The following SLC27A6 variants were observed in gnomAD, a reference collection of about 807,000 sequenced individuals.
SLC27A6 encodes long-chain fatty acid transport protein 6.
A neutral mutation model predicts 63.9 loss-of-function variants in SLC27A6; 74 were observed. That is an observed-to-expected ratio of 1.16 (90% CI 0.96 to 1.40). SLC27A6 has a LOEUF of 1.40. SLC27A6 is among the 40% of genes most tolerant of loss of function. The probability of loss-of-function intolerance (pLI) is 0.00; values close to 1 mark genes in which losing one functional copy is unlikely to be tolerated. For missense variants in SLC27A6, 794 were observed against 732.9 expected (o/e 1.08, Z -0.96); for synonymous variants, 287 against 260.8 (o/e 1.10, Z -0.97).
At position 128,966,074 on chromosome 5, in the gene SLC27A6, G is replaced by A. The variant is rs1749875523; in HGVS notation, c.-64G>A. 1 of 1,510,648 alleles carries A rather than the reference G, an allele frequency of 6.6e-7. No homozygotes were observed. Among genetic ancestry groups the A allele is most frequent in the African/African-American group, 1.4e-5 (1 of 71,526 alleles). 93.6% of individuals were successfully genotyped at this position (1,510,648 alleles called of 1,614,324 possible). On this transcript the variant is annotated 5_prime_UTR_variant, in exon 1 of 10. Coordinates refer to ENST00000262462, the MANE Select transcript of SLC27A6 (RefSeq NM_001017372.3). ...ATCTGCGGTCTCCGTGGAGAGCTGT[G>A]CCTGGAAGAGAAGGACGCTGGTGGG... is the stretch of plus-strand genomic sequence containing the variant.
chr5:129,003,002 G>T (rs1034734759), intron 4 of SLC27A6, among the ~76,000 whole-genome samples: 2 of 152,074 alleles, frequency 1.3e-5, no homozygotes, highest in Non-Finnish European at 1.5e-5. Flanking sequence ...ATTTCTATGT[G>T]CACCCGAGTC....
rs531286377 is a variant in SLC27A6 at position 129,029,723 on chromosome 5, G to C, written c.1683+16G>C. Reference sequence around the variant, plus strand: ...AAGAATTCAGGTAATTTTAGTGGCGGAGTTTACTATCAAATATAAGACAGT... The same window carrying C: ...AAGAATTCAGGTAATTTTAGTGGCGCAGTTTACTATCAAATATAAGACAGT... On this transcript the variant is annotated intron_variant, in intron 9 of 9. Transcript: ENST00000262462. 1.3e-6 allele frequency: 2 copies of C among 1,589,156 alleles called. No homozygotes were observed. The highest frequency in any genetic ancestry group is 1.7e-6 in the Non-Finnish European group (2 of 1,169,746).
At chr5:128,986,998 AC>A (rs1445538551) in intron 2 of SLC27A6, among the ~76,000 whole-genome samples, 2 of 152,170 alleles carry the variant, frequency 1.3e-5, no homozygotes. Flanking sequence ...TTAAGAAGGA[AC>A]TATAGTCCTG....
rs185024185 is a variant in SLC27A6 at position 129,012,590 on chromosome 5, T to A, written c.970-3295T>A. Among the ~76,000 whole-genome samples the A allele has an allele frequency of 1.8e-3, 274 of 152,234 alleles. 1 individual carries two copies. The highest frequency in any genetic ancestry group is 3.1e-3 in the Non-Finnish European group (208 of 67,958). On this transcript the variant is annotated intron_variant, in intron 4 of 9. Coordinates refer to ENST00000262462, the MANE Select transcript of SLC27A6 (RefSeq NM_001017372.3). ...AATATCTCAGTCTATTTTAGCTCTG[T>A]CCATTTTTGCTTTATATATTTGACT...
intron 4 of SLC27A6, among the ~76,000 whole-genome samples, chr5:128,994,107 G>A (rs954496557): frequency 2.0e-5 from 3 of 151,982 alleles, no homozygotes; most frequent in Admixed American, 6.6e-5. Flanking sequence ...GGTGGAGGTT[G>A]TGTGAGCCGA....
chr5:129,005,643 C>T lies in SLC27A6; in HGVS notation c.970-10242C>T, dbSNP rs566285414. On this transcript the variant is annotated intron_variant, in intron 4 of 9. Transcript: ENST00000262462. ...TTTTTTTTTTTGCGAGACAGAGTCT[C>T]GCTCTGTCGCTCAGGCTGGAGTGCA... is the stretch of plus-strand genomic sequence containing the variant. Among the ~76,000 whole-genome samples, 111 of 118,912 alleles carry T rather than the reference C, an allele frequency of 9.3e-4. 1 individual carries two copies. Among genetic ancestry groups the T allele is most frequent in the African/African-American group, 3.2e-3 (95 of 29,296 alleles). The allele number at this position is 118,912 out of a possible 152,430, so 78.0% of individuals were successfully genotyped here. A position where few individuals can be genotyped will look rare whatever the true frequency, so the allele number is the denominator to read the frequency against.
At chr5:128,977,709 C>A (rs73784803) in intron 1 of SLC27A6, among the ~76,000 whole-genome samples, 4,248 of 152,242 alleles carry the variant, frequency 0.028, 196 homozygotes, top group African/African-American at 0.096. Flanking sequence ...ATTTACCTAT[C>A]ATGGCTGTAA....
rs200731740 is a variant in SLC27A6 at position 128,966,366 on chromosome 5, G to T, written c.229G>T (p.Gly77Ter). 1 of 1,612,436 alleles carries T rather than the reference G, an allele frequency of 6.2e-7. No homozygotes were observed. Among genetic ancestry groups the T allele is most frequent in the East Asian group, 2.2e-5 (1 of 44,770 alleles). ...TCGGAAACCTTTCATCATCTATGAG[G>T]GAGACATCTACACCTATCAGGATGT... ...QPRKPFIIYE[G>*]DIYTYQDVDK... Residue 77 changes from glycine (G) to a stop codon, truncating the protein, a stop_gained, in exon 1 of 10, where the codon GGA (glycine) becomes TGA (stop). Transcript: ENST00000262462. LOFTEE classifies it high-confidence loss of function.
intron 9 of SLC27A6, among the ~76,000 whole-genome samples, chr5:129,030,819 C>T (rs1752393300): frequency 1.3e-5 from 2 of 151,994 alleles, no homozygotes; most frequent in African/African-American, 4.8e-5. Flanking sequence ...TTCTGCTTTA[C>T]TTACACTTAT....
intron 5 of SLC27A6, among the ~76,000 whole-genome samples, chr5:129,023,028 C>T (rs1025072328): frequency 6.6e-6 from 1 of 152,040 alleles, no homozygotes; most frequent in East Asian, 1.9e-4. Flanking sequence ...TATCATCTCA[C>T]ACCAAAAGAG....
intron 5 of SLC27A6, among the ~76,000 whole-genome samples, chr5:129,017,508 CAAAGG>C (rs1357659840): frequency 2.0e-5 from 3 of 151,120 alleles, no homozygotes; most frequent in African/African-American, 7.3e-5. Flanking sequence ...AAAATAAACT[CAAAGG>C]AAATAAAAGG....
chr5:129,032,480 T>C (rs1050001675), intron 9 of SLC27A6, among the ~76,000 whole-genome samples: 1 of 152,022 alleles, frequency 6.6e-6, no homozygotes, highest in African/African-American at 2.4e-5. Flanking sequence ...ATGACATCAT[T>C]GAATGTATTA....
At chr5:128,987,454 A>C (rs971930934) in intron 2 of SLC27A6, among the ~76,000 whole-genome samples, 1 of 152,148 alleles carries the variant, frequency 6.6e-6, no homozygotes, top group Non-Finnish European at 1.5e-5. Context: ...ATTTGAAAAA[A>C]ATCCTCCTGA....
At chr5:128,974,568 T>G (rs1750311688) in intron 1 of SLC27A6, among the ~76,000 whole-genome samples, 2 of 152,228 alleles carry the variant, frequency 1.3e-5, no homozygotes, top group African/African-American at 4.8e-5. Context: ...AACATACTCT[T>G]TTTAGCACAT....
intron 4 of SLC27A6, among the ~76,000 whole-genome samples, chr5:129,006,172 C>G (rs1751525872): frequency 7.0e-6 from 1 of 143,636 alleles, no homozygotes; most frequent in East Asian, 2.3e-4. Flanking sequence ...TCCACCTCCT[C>G]CGTTCACGCC....
intron 4 of SLC27A6, among the ~76,000 whole-genome samples, chr5:129,011,616 A>C (rs367545768): frequency 1.3e-5 from 2 of 152,154 alleles, no homozygotes; most frequent in Non-Finnish European, 2.9e-5. Flanking sequence ...TTCTGTTCAC[A>C]TCTCATGTCC....
At chr5:128,973,202 C>T (rs1158040811) in intron 1 of SLC27A6, among the ~76,000 whole-genome samples, 2 of 152,166 alleles carry the variant, frequency 1.3e-5, no homozygotes, top group Non-Finnish European at 2.9e-5. Flanking sequence ...TGGGAGATGT[C>T]TCCCAGTTAG....
intron 1 of SLC27A6, among the ~76,000 whole-genome samples, chr5:128,975,642 T>C (rs952103335): frequency 6.6e-5 from 10 of 152,188 alleles, no homozygotes; most frequent in African/African-American, 1.2e-4. Flanking sequence ...CAGTCCCTCA[T>C]TGACCAAAAT....
At chr5:129,027,945 C>A (rs968231149) in intron 7 of SLC27A6, among the ~76,000 whole-genome samples, 16 of 151,932 alleles carry the variant, frequency 1.1e-4, no homozygotes, top group Non-Finnish European at 2.2e-4. Context: ...GGGTTAACAC[C>A]TAGAAACTGA....
Sources: allele counts gnomAD v4.1 joint callset (sites outside exome capture counted in the v4.1 genomes callset), GRCh38; gene constraint gnomAD v4.1.1; transcripts MANE v1.5; gene names NCBI Gene and HGNC (gene_info 2026-07-23, HGNC 2026-07-21).